The following MAGI2 variants were observed in gnomAD, a reference collection of about 807,000 sequenced individuals.
MAGI2 encodes membrane-associated guanylate kinase, WW and PDZ domain-containing protein 2.
Under a neutral mutation model 133.3 loss-of-function variants are expected in MAGI2, and 35 were observed. The ratio of observed to expected loss-of-function variants is 0.26; its 90% CI spans 0.20 to 0.35. The LOEUF is 0.35. Among genes scored for constraint, MAGI2 ranks in the 10% least tolerant of loss-of-function variants. The pLI, the probability that MAGI2 is intolerant of heterozygous loss-of-function variation, is 1.00. For missense variants in MAGI2, 1,636 were observed against 1,863.4 expected, an observed-to-expected ratio of 0.88 and a Z score of 2.25; for synonymous variants, 729 against 710.6, an observed-to-expected ratio of 1.03 and a Z score of -0.41.
At chr7:78,684,229 C>G (rs1315541848) in intron 2 of MAGI2, among the ~76,000 whole-genome samples, 1 of 152,132 alleles carries the variant, frequency 6.6e-6, no homozygotes. Context: ...ATCTTATAAA[C>G]TAGGCCTTGT....
intron 2 of MAGI2, among the ~76,000 whole-genome samples, chr7:78,688,215 T>C (rs1388196894): frequency 6.6e-6 from 1 of 152,132 alleles, no homozygotes; most frequent in Non-Finnish European, 1.5e-5. Context: ...CCCAATGTAA[T>C]GATAAAATGA....
At chr7:78,936,882 A>G (rs1800558312) in intron 2 of MAGI2, among the ~76,000 whole-genome samples, 2 of 152,080 alleles carry the variant, frequency 1.3e-5, no homozygotes, top group African/African-American at 4.8e-5. Flanking sequence ...AGCTACAGAA[A>G]TGAATATAAA....
intron 10 of MAGI2, chr7:78,253,639 A>G (rs767799941): frequency 6.6e-6 from 1 of 152,230 alleles, no homozygotes; most frequent in Non-Finnish European, 1.5e-5. Flanking sequence ...GTGACTATAC[A>G]TACAAACAAT....
At chr7:78,176,368 C>T (rs1373631363) in intron 14 of MAGI2, among the ~76,000 whole-genome samples, 2 of 152,108 alleles carry the variant, frequency 1.3e-5, no homozygotes, top group African/African-American at 2.4e-5. Context: ...AAATTTCATC[C>T]CCAGGAATTC....
chr7:78,454,697 C>A (rs189428114), intron 6 of MAGI2, among the ~76,000 whole-genome samples: 1 of 152,086 alleles, frequency 6.6e-6, no homozygotes, highest in Non-Finnish European at 1.5e-5. Flanking sequence ...AACGGATAAA[C>A]AAACCATGGT....
At chr7:79,299,554 C>CAAAATAAAAA (rs1837218339) in intron 1 of MAGI2, among the ~76,000 whole-genome samples, 1 of 84,708 alleles carries the variant, frequency 1.2e-5, no homozygotes, top group Non-Finnish European at 2.1e-5. Context: ...GACTCCATCT[C>CAAAATAAAAA]AAAAAAAAAA....
chr7:78,786,759 C>T (rs1375765169), intron 2 of MAGI2, among the ~76,000 whole-genome samples: 4 of 152,170 alleles, frequency 2.6e-5, no homozygotes, highest in Admixed American at 2.6e-4. Context: ...CAGTATCTGA[C>T]ATACTGCTTA....
intron 2 of MAGI2, among the ~76,000 whole-genome samples, chr7:78,859,074 T>C (rs1424254324): frequency 2.0e-5 from 3 of 152,158 alleles, no homozygotes; most frequent in Admixed American, 6.5e-5. Flanking sequence ...GCTTTTTTTT[T>C]TGTTTTCCAT....
At chr7:78,272,603 G>C (rs1794693936) in intron 9 of MAGI2, among the ~76,000 whole-genome samples, 1 of 152,278 alleles carries the variant, frequency 6.6e-6, no homozygotes, top group South Asian at 2.1e-4. Context: ...CTAAGAACTT[G>C]CTTTATGAAT....
intron 2 of MAGI2, among the ~76,000 whole-genome samples, chr7:78,955,181 T>C (rs1478281580): frequency 6.6e-6 from 1 of 152,106 alleles, no homozygotes; most frequent in African/African-American, 2.4e-5. Flanking sequence ...TCTTAATAAA[T>C]TATAAATAGT....
chr7:78,442,611 G>A (rs1787738371), intron 6 of MAGI2, among the ~76,000 whole-genome samples: 1 of 152,088 alleles, frequency 6.6e-6, no homozygotes, highest in Non-Finnish European at 1.5e-5. Flanking sequence ...AGGAAGTTTG[G>A]CAAATATGAT....
intron 10 of MAGI2, among the ~76,000 whole-genome samples, chr7:78,212,709 C>T (rs897253508): frequency 2.6e-5 from 4 of 152,300 alleles, no homozygotes; most frequent in African/African-American, 9.6e-5. Flanking sequence ...TAAGCACTTC[C>T]ATGTGAATTC....
intron 2 of MAGI2, among the ~76,000 whole-genome samples, chr7:78,847,578 T>G (rs1792737158): frequency 6.6e-6 from 1 of 152,032 alleles, no homozygotes; most frequent in Admixed American, 6.6e-5. Flanking sequence ...TTACAAATGA[T>G]TCGAGGTACA....
At chr7:79,052,612 C>G (rs1394605894) in intron 1 of MAGI2, among the ~76,000 whole-genome samples, 1 of 152,100 alleles carries the variant, frequency 6.6e-6, no homozygotes, top group Non-Finnish European at 1.5e-5. Context: ...CCTGACAAAA[C>G]TATGATTCCG....
chr7:79,168,816 AC>A (rs1825198939), intron 1 of MAGI2, among the ~76,000 whole-genome samples: 1 of 150,648 alleles, frequency 6.6e-6, no homozygotes, highest in South Asian at 2.1e-4. Context: ...AGTCAGATGG[AC>A]CCTCTATTAG....
At chr7:78,280,443 C>A (rs537433164) in intron 9 of MAGI2, among the ~76,000 whole-genome samples, 1 of 152,108 alleles carries the variant, frequency 6.6e-6, no homozygotes, top group South Asian at 2.1e-4. Context: ...CTGCAAAACA[C>A]AAGAACTCCT....
chr7:78,715,416 A>G (rs950181316), intron 2 of MAGI2, among the ~76,000 whole-genome samples: 5 of 152,198 alleles, frequency 3.3e-5, no homozygotes, highest in Admixed American at 1.3e-4. Flanking sequence ...TTATCATTGT[A>G]TATCTTACCT....
intron 16 of MAGI2, among the ~76,000 whole-genome samples, chr7:78,157,019 G>A (rs1313667218): frequency 6.6e-6 from 1 of 152,074 alleles, no homozygotes; most frequent in Non-Finnish European, 1.5e-5. Flanking sequence ...TTTTGACCAG[G>A]GATATGTGGC....
At chr7:78,324,158 T>TACACACTAC (rs151095024) in intron 9 of MAGI2, among the ~76,000 whole-genome samples, 12 of 139,230 alleles carry the variant, frequency 8.6e-5, no homozygotes, top group African/African-American at 2.8e-4. Flanking sequence ...CACTACACAC[T>TACACACTAC]ACACTACACT....
Sources: allele counts gnomAD v4.1 joint callset (sites outside exome capture counted in the v4.1 genomes callset), GRCh38; gene constraint gnomAD v4.1.1; transcripts MANE v1.5; gene names NCBI Gene and HGNC (gene_info 2026-07-23, HGNC 2026-07-21).